The following ZSWIM2 variants were observed in gnomAD, a reference collection of about 807,000 sequenced individuals.
ZSWIM2 encodes the protein zinc finger SWIM-type containing 2.
ZSWIM2 carries 38 observed loss-of-function variants against 48.4 expected under a neutral mutation model. The observed-to-expected ratio is 0.79, with a 90% CI of 0.61 to 1.03. ZSWIM2 has a LOEUF of 1.03. ZSWIM2 is among the 50% of genes least tolerant of loss of function. The probability of loss-of-function intolerance (pLI) is 0.00; values close to 1 mark genes in which losing one functional copy is unlikely to be tolerated. For synonymous variants in ZSWIM2, 240 were observed against 251.3 expected, an observed-to-expected ratio of 0.96 and a Z score of 0.42; for missense variants, 776 against 730.2, an observed-to-expected ratio of 1.06 and a Z score of -0.72.
At chr2:186,832,122 A>ATT (rs59277588) in intron 7 of ZSWIM2, among the ~76,000 whole-genome samples, 1 of 147,852 alleles carries the variant, frequency 6.8e-6, no homozygotes, top group African/African-American at 2.5e-5. Context: ...TTTCTTTTCT[A>ATT]TTTTTTTTTT....
At position 186,842,590 on chromosome 2, in the gene ZSWIM2, A is replaced by G. The variant is rs549359038; in HGVS notation, c.283+2127T>C. 1.1e-3 allele frequency among the ~76,000 whole-genome samples: 162 copies of G among 151,516 alleles called. 2 individuals carry two copies. The highest frequency in any genetic ancestry group is 5.3e-4 in the Non-Finnish European group (36 of 67,456). ...CTGTGTTTGCAGATAAAAGACATTC[A>G]TATACTAGCAATACATACGATTCAA... On this transcript the variant is annotated intron_variant, in intron 3 of 8. Coordinates refer to ENST00000295131, the MANE Select transcript of ZSWIM2 (RefSeq NM_182521.3).
At chr2:186,832,287 T>G (rs1691714594) in intron 7 of ZSWIM2, among the ~76,000 whole-genome samples, 1 of 139,792 alleles carries the variant, frequency 7.2e-6, no homozygotes, top group South Asian at 2.4e-4. Context: ...GCTAATTTTT[T>G]TTTGTTTTTT....
chr2:186,829,662 T>C, intron 8 of ZSWIM2, 65 bp downstream of exon 8: 4 of 1,535,500 alleles, frequency 2.6e-6, no homozygotes, highest in Non-Finnish European at 3.5e-6. Flanking sequence ...CAGACTTAAA[T>C]TGTCACTTCA....
chr2:186,829,155 A>G (rs961364497), intron 8 of ZSWIM2, among the ~76,000 whole-genome samples: 4 of 152,154 alleles, frequency 2.6e-5, no homozygotes, highest in Non-Finnish European at 5.9e-5. Context: ...ATATAAAATA[A>G]CAAATTAAGT....
chr2:186,839,252 T>C lies in ZSWIM2; in HGVS notation c.284-83A>G, dbSNP rs551742227. 33 of 1,259,892 alleles carry C rather than the reference T, an allele frequency of 2.6e-5. No individual in the cohort carries two copies. The African/African-American group carries it at 3.9e-4, about 15-fold the overall frequency. The allele number at this position is 1,259,892 out of a possible 1,614,324, so 78.0% of individuals were successfully genotyped here. ...TAACAACTTATGCTGAAAGTTAGAA[T>C]TTTCTTTCAAATATCAGAGAGACAG... On this transcript the variant is annotated intron_variant, in intron 3 of 8. Coordinates refer to ENST00000295131, the MANE Select transcript of ZSWIM2 (RefSeq NM_182521.3).
At chr2:186,846,810 C>CATATATATATATATATAGATATATATAT (rs36111849) in intron 2 of ZSWIM2, among the ~76,000 whole-genome samples, 1 of 143,696 alleles carries the variant, frequency 7.0e-6, no homozygotes, top group African/African-American at 2.8e-5. Context: ...CACACACACA[C>CATATATATATATATATAGATATATATAT]ATATATATAT....
intron 6 of ZSWIM2, 126 bp downstream of exon 6, chr2:186,833,820 A>G: frequency 4.6e-6 from 3 of 652,994 alleles, no homozygotes; most frequent in Non-Finnish European, 7.4e-6. Flanking sequence ...ATATGGCTTT[A>G]GGTTTGTATT....
intron 5 of ZSWIM2, 97 bp downstream of exon 5, chr2:186,837,209 A>C (rs1467542769): frequency 1.5e-6 from 2 of 1,296,602 alleles, no homozygotes; most frequent in Non-Finnish European, 2.2e-6. Context: ...ATATGCAGGA[A>C]GAGGGAGGCT....
intron 2 of ZSWIM2, among the ~76,000 whole-genome samples, chr2:186,846,810 CATAT>C (rs36111849): frequency 4.6e-4 from 66 of 143,666 alleles, no homozygotes; most frequent in African/African-American, 1.2e-3. Context: ...CACACACACA[CATAT>C]ATATATATAT....
intron 1 of ZSWIM2, among the ~76,000 whole-genome samples, chr2:186,848,285 A>G (rs1268828283): frequency 2.0e-5 from 3 of 152,138 alleles, no homozygotes; most frequent in Non-Finnish European, 4.4e-5. Flanking sequence ...GTAAAAAAAG[A>G]TGCTTTAAAT....
At position 186,838,965 on chromosome 2, in the gene ZSWIM2, A is replaced by C. The variant is rs768685520; in HGVS notation, c.488T>G (p.Phe163Cys). The change falls in exon 4 of 9, where the codon TTT becomes TGT. Residue 163 changes from phenylalanine to cysteine, a missense_variant. By Grantham distance (205) the Phe-to-Cys change is radical. Coordinates refer to ENST00000295131, the MANE Select transcript of ZSWIM2 (RefSeq NM_182521.3). The stretch of plus-strand genomic sequence containing the variant: ...TAAAGAAAAAGTACATCACCTGCAA[A>C]AGGTGACAGGAAGCTTTTTCTCTAA... The part of the protein sequence containing the change: ...LLLEKKLPVT[F>C]CRFGCGNSIH... 5.6e-6 allele frequency: 9 copies of C among 1,606,342 alleles called. No homozygotes were observed. The highest frequency in any genetic ancestry group is 6.8e-6 in the Non-Finnish European group (8 of 1,175,852).
rs1007343262 is a variant in ZSWIM2, at chr2:186,829,553, G to T, written c.1095+174C>A. On this transcript the variant is annotated intron_variant, in intron 8 of 8. Coordinates refer to ENST00000295131, the MANE Select transcript of ZSWIM2 (RefSeq NM_182521.3). The stretch of plus-strand genomic sequence containing the variant: ...TAATTAATATAAAGACATCCTCAGG[G>T]AGAAAGCTGCCTTCTCGATAGTCTC... 2.0e-5 allele frequency among the ~76,000 whole-genome samples: 3 copies of T among 152,146 alleles called. No homozygotes were observed. In the South Asian group the frequency reaches 6.2e-4, roughly 32 times the overall value.
In ZSWIM2 at chr2:186,827,978, A is replaced by G; in HGVS notation, c.*6T>C. 1 of 1,541,310 alleles carries G rather than the reference A, an allele frequency of 6.5e-7. No homozygotes were observed. Among genetic ancestry groups the G allele is most frequent in the Non-Finnish European group, 8.7e-7 (1 of 1,148,678 alleles). The stretch of plus-strand genomic sequence containing the variant: ...ACATTCAAATATTTTCAGATAGTAA[A>G]CTTTTTCACAATTGAACTCCTTCTA... On this transcript the variant is annotated 3_prime_UTR_variant, in exon 9 of 9. Coordinates refer to ENST00000295131, the MANE Select transcript of ZSWIM2 (RefSeq NM_182521.3).
chr2:186,832,019 TATA>T (rs1559111999), intron 7 of ZSWIM2, among the ~76,000 whole-genome samples: 6 of 152,154 alleles, frequency 3.9e-5, no homozygotes, highest in East Asian at 1.9e-4. Context: ...CAACTTAAAG[TATA>T]ATAATAAAAA....
Position 186,828,377 on chromosome 2 carries a change from C to G in ZSWIM2, c.1509G>C (p.Val503=). Residue 503 remains valine, a synonymous_variant, in exon 9 of 9, where the codon GTG becomes GTC. Coordinates refer to ENST00000295131, the MANE Select transcript of ZSWIM2 (RefSeq NM_182521.3). The part of the protein sequence containing the change: ...FPRYLQDLPT[V]SFGKIPSQTL... ...TTTGAGATGGTATTTTCCCAAATGA[C>G]ACAGTGGGTAAATCTTGAAGATACC... The G allele has an allele frequency of 1.2e-6, 2 of 1,613,348 alleles. No homozygotes were observed. The highest frequency in any genetic ancestry group is 1.7e-6 in the Non-Finnish European group (2 of 1,179,670).
At chr2:186,845,683 T>C (rs1482645006) in intron 2 of ZSWIM2, among the ~76,000 whole-genome samples, 1 of 151,480 alleles carries the variant, frequency 6.6e-6, no homozygotes, top group Non-Finnish European at 1.5e-5. Context: ...TTTGTTAGTA[T>C]GAGTATAGGT....
intron 3 of ZSWIM2, among the ~76,000 whole-genome samples, chr2:186,841,328 A>G (rs1340608143): frequency 7.9e-6 from 1 of 126,806 alleles, no homozygotes; most frequent in Non-Finnish European, 1.7e-5. Context: ...CTTTATTTTC[A>G]TATTTCTTAA....
intron 3 of ZSWIM2, among the ~76,000 whole-genome samples, chr2:186,841,449 T>C (rs1482782906): frequency 6.6e-6 from 1 of 151,462 alleles, no homozygotes; most frequent in South Asian, 2.1e-4. Flanking sequence ...CTGAAATCAC[T>C]GTAAATCAGC....
At position 186,828,324 on chromosome 2, in the gene ZSWIM2, T is replaced by C. The variant is rs748836676; in HGVS notation, c.1562A>G (p.Asn521Ser). 1.2e-6 allele frequency: 2 copies of C among 1,613,628 alleles called. No individual in the cohort carries two copies. Among genetic ancestry groups the C allele is most frequent in the African/African-American group, 2.7e-5 (2 of 74,902 alleles). The change falls in exon 9 of 9, where the codon AAT (asparagine) becomes AGT (serine). Residue 521 changes from asparagine to serine, a missense_variant. Transcript: ENST00000295131. ...QTLLPPIVHK[N>S]IVCPTAMESP... is the part of the protein sequence containing the mutation. ...TTCCATTGCAGTGGGACACACAATATTCTTATGAACAATAGGAGGAAGCAG... is the reference window on the plus strand; with the variant it reads ...TTCCATTGCAGTGGGACACACAATACTCTTATGAACAATAGGAGGAAGCAG...
Sources: allele counts gnomAD v4.1 joint callset (sites outside exome capture counted in the v4.1 genomes callset), GRCh38; gene constraint gnomAD v4.1.1; transcripts MANE v1.5; gene names NCBI Gene and HGNC (gene_info 2026-07-23, HGNC 2026-07-21).